Variants in NAA11 observed in about 807,000 individuals in gnomAD.
The protein encoded by NAA11 is N-alpha-acetyltransferase 11.
Under a neutral mutation model 16.1 loss-of-function variants are expected in NAA11, and 15 were observed. The observed-to-expected ratio is 0.93, with a 90% CI of 0.62 to 1.44. The LOEUF (loss-of-function observed/expected upper bound fraction) is 1.44, where lower values mean the gene tolerates loss of function less well. Ranked by LOEUF, NAA11 falls within the 40% of genes most tolerant of loss-of-function variation. NAA11 has a pLI of 0.00. For missense variants in NAA11, 298 were observed against 291.3 expected, an observed-to-expected ratio of 1.02 and a Z score of -0.17; for synonymous variants, 122 against 112.4, an observed-to-expected ratio of 1.09 and a Z score of -0.54.
At chr4:79,233,794 G>A (rs1418351162) in intron 2 of NAA11, among the ~76,000 whole-genome samples, 1 of 152,044 alleles carries the variant, frequency 6.6e-6, no homozygotes, top group Non-Finnish European at 1.5e-5. Flanking sequence ...ACTGTGGTTG[G>A]CTCATGATGG....
At chr4:79,237,139 A>G (rs573165950) in intron 2 of NAA11, among the ~76,000 whole-genome samples, 3 of 152,286 alleles carry the variant, frequency 2.0e-5, no homozygotes, top group East Asian at 3.9e-4. Flanking sequence ...TAAATTGGGT[A>G]ATGTAAAACT....
At chr4:79,286,887 T>C (rs1722951441) in intron 2 of NAA11, among the ~76,000 whole-genome samples, 1 of 152,114 alleles carries the variant, frequency 6.6e-6, no homozygotes, top group East Asian at 1.9e-4. Context: ...ATGAGTTCTT[T>C]ACCCCCATCA....
intron 2 of NAA11, among the ~76,000 whole-genome samples, chr4:79,290,237 G>C (rs188752067): frequency 2.0e-5 from 3 of 152,222 alleles, no homozygotes; most frequent in Non-Finnish European, 1.5e-5. Flanking sequence ...TTGTGGGAGG[G>C]TTAGGATGGG....
the NAA11 span, among the ~76,000 whole-genome samples, chr4:79,189,586 G>C: frequency 6.6e-6 from 1 of 152,142 alleles, no homozygotes; most frequent in Non-Finnish European, 1.5e-5. Flanking sequence ...GACCTACACT[G>C]TGTTCTGTCT....
At chr4:79,172,480 T>C in the NAA11 span, among the ~76,000 whole-genome samples, 1 of 152,162 alleles carries the variant, frequency 6.6e-6, no homozygotes, top group African/African-American at 2.4e-5. Context: ...GCCAGGCAGC[T>C]ATTTATTTTC....
At chr4:79,166,182 AT>A in the NAA11 span, among the ~76,000 whole-genome samples, 1 of 152,190 alleles carries the variant, frequency 6.6e-6, no homozygotes, top group Non-Finnish European at 1.5e-5. Context: ...GAGAAAACTT[AT>A]CATCTTAACT....
At chr4:79,314,640 T>TAAAAAAAAAAAAAAAA (rs1491072118), downstream of NAA11, among the ~76,000 whole-genome samples, 2 of 69,642 alleles carry the variant, frequency 2.9e-5, no homozygotes, top group African/African-American at 1.5e-4. Flanking sequence ...CTCCTTAAAA[T>TAAAAAAAAAAAAAAAA]TAAAAAAAAA....
downstream of NAA11, among the ~76,000 whole-genome samples, chr4:79,312,710 G>A (rs888394512): frequency 6.8e-5 from 10 of 147,084 alleles, 1 homozygote; most frequent in Admixed American, 5.4e-4. Context: ...GGCTGATCTC[G>A]AACTCCTGGC....
chr4:79,165,687 C>T, the NAA11 span, among the ~76,000 whole-genome samples: 19 of 152,292 alleles, frequency 1.2e-4, no homozygotes, highest in African/African-American at 4.1e-4. Context: ...ATATATAAAG[C>T]ATTTTCACAG....
At chr4:79,302,739 C>A (rs1229515263) in intron 1 of NAA11, among the ~76,000 whole-genome samples, 1 of 151,922 alleles carries the variant, frequency 6.6e-6, no homozygotes, top group African/African-American at 2.4e-5. Flanking sequence ...TGTTTGCTTG[C>A]CACTTAATCT....
chr4:79,197,908 T>G, the NAA11 span, among the ~76,000 whole-genome samples: 4 of 152,048 alleles, frequency 2.6e-5, no homozygotes, highest in East Asian at 3.9e-4. Flanking sequence ...TATGATTTCT[T>G]TAGGTCAATA....
At chr4:79,260,536 C>T (rs551329067) in intron 2 of NAA11, among the ~76,000 whole-genome samples, 35 of 152,254 alleles carry the variant, frequency 2.3e-4, no homozygotes, top group African/African-American at 7.9e-4. Flanking sequence ...CATAGAGTCC[C>T]GCTTTTGACT....
chr4:79,216,369 T>C, the NAA11 span, among the ~76,000 whole-genome samples: 32 of 152,144 alleles, frequency 2.1e-4, no homozygotes, highest in Non-Finnish European at 3.8e-4. Context: ...TATTATACTA[T>C]AAGCCTGTGA....
downstream of NAA11, among the ~76,000 whole-genome samples, chr4:79,224,553 TG>T (rs1275874963): frequency 6.6e-6 from 1 of 152,050 alleles, no homozygotes; most frequent in Non-Finnish European, 1.5e-5. Context: ...TGACTTGGAC[TG>T]GGGCCTTCTG....
the NAA11 span, among the ~76,000 whole-genome samples, chr4:79,214,150 G>T: frequency 4.6e-5 from 7 of 152,132 alleles, no homozygotes; most frequent in African/African-American, 1.7e-4. Flanking sequence ...GTGATGACTT[G>T]CAAAAGAACT....
At chr4:79,292,326 A>G (rs556014354) in intron 2 of NAA11, among the ~76,000 whole-genome samples, 45 of 152,296 alleles carry the variant, frequency 3.0e-4, no homozygotes, top group African/African-American at 9.1e-4. Flanking sequence ...AAAACTTTCT[A>G]TATCTGGTGG....
At chr4:79,223,143 G>C (rs1721230119), downstream of NAA11, among the ~76,000 whole-genome samples, 1 of 151,110 alleles carries the variant, frequency 6.6e-6, no homozygotes, top group South Asian at 2.1e-4. Flanking sequence ...TCCCTTTACT[G>C]GGTATATACC....
At chr4:79,314,382 G>A (rs1400332863), downstream of NAA11, among the ~76,000 whole-genome samples, 2 of 151,836 alleles carry the variant, frequency 1.3e-5, no homozygotes, top group African/African-American at 2.4e-5. Context: ...AGAATTCAAC[G>A]CCTTGTACTG....
chr4:79,208,947 A>AC, the NAA11 span, among the ~76,000 whole-genome samples: 6 of 141,000 alleles, frequency 4.3e-5, no homozygotes, highest in Non-Finnish European at 7.6e-5. Context: ...AAAAAAAAAA[A>AC]CCCCAAAAAA....
Sources: gnomAD v4.1 joint callset for allele counts (sites outside exome capture counted in the v4.1 genomes callset) on GRCh38, gnomAD v4.1.1 for gene constraint, MANE v1.5 for transcripts, NCBI Gene and HGNC (gene_info 2026-07-23, HGNC 2026-07-21) for gene names.